MCC: variants seen among roughly 807,000 people sequenced by gnomAD.
MCC encodes the protein colorectal mutant cancer protein.
In MCC, 90 loss-of-function variants were observed where a neutral mutation model predicts 116.2. The observed-to-expected ratio is 0.77, with a 90% CI of 0.65 to 0.92. The LOEUF (loss-of-function observed/expected upper bound fraction) is 0.92, where lower values mean the gene tolerates loss of function less well. MCC is among the 40% of genes least tolerant of loss of function. MCC has a pLI of 0.00. For missense variants in MCC, 1,516 were observed against 1,312.2 expected (o/e 1.16, Z -2.40); for synonymous variants, 578 against 510.5 (o/e 1.13, Z -1.78).
chr5:113,396,697 G>A (rs1769534327), intron 1 of MCC, among the ~76,000 whole-genome samples: 1 of 152,114 alleles, frequency 6.6e-6, no homozygotes, highest in South Asian at 2.1e-4. Context: ...ATAGAAGTAG[G>A]AAAACAAAAG....
chr5:113,233,953 T>TA (rs1247737366), intron 3 of MCC, among the ~76,000 whole-genome samples: 1 of 152,142 alleles, frequency 6.6e-6, no homozygotes, highest in Non-Finnish European at 1.5e-5. Context: ...AACAGGGAGA[T>TA]ACAGTGTATA....
At chr5:113,385,278 AT>A in intron 1 of MCC, 66 bp from the exon 2 acceptor site, 1 of 1,484,138 alleles carries the variant, frequency 6.7e-7, no homozygotes, top group Admixed American at 2.1e-5. Flanking sequence ...AAACTGGTTA[AT>A]GAAAAAAAAA....
intron 3 of MCC, among the ~76,000 whole-genome samples, chr5:113,183,817 C>T (rs185174671): frequency 6.6e-6 from 1 of 152,262 alleles, no homozygotes; most frequent in Admixed American, 6.5e-5. Flanking sequence ...TGAAGCAAGA[C>T]TTGTGGGGAG....
intron 1 of MCC, among the ~76,000 whole-genome samples, chr5:113,401,545 C>G (rs1034471976): frequency 6.6e-6 from 1 of 152,154 alleles, no homozygotes; most frequent in Admixed American, 6.5e-5. Context: ...CATTTAGCAG[C>G]CTTCTCAGTA....
At chr5:113,103,326 T>C (rs995572613) in intron 7 of MCC, among the ~76,000 whole-genome samples, 2 of 152,196 alleles carry the variant, frequency 1.3e-5, no homozygotes, top group Non-Finnish European at 2.9e-5. Flanking sequence ...GCTTTGTCCC[T>C]AGCTGGTTGG....
At chr5:113,212,455 T>C (rs1318387941) in intron 3 of MCC, among the ~76,000 whole-genome samples, 2 of 152,036 alleles carry the variant, frequency 1.3e-5, no homozygotes, top group African/African-American at 4.8e-5. Context: ...AACTACCACA[T>C]GCAGCCTCAT....
At chr5:113,336,248 A>T (rs1051857875) in intron 3 of MCC, among the ~76,000 whole-genome samples, 4 of 151,648 alleles carry the variant, frequency 2.6e-5, no homozygotes, top group Non-Finnish European at 5.9e-5. Context: ...AAATTTCCAT[A>T]TGAATTTTGG....
intron 1 of MCC, among the ~76,000 whole-genome samples, chr5:113,410,205 G>A (rs145264548): frequency 1.2e-4 from 18 of 152,264 alleles, no homozygotes; most frequent in Admixed American, 2.0e-4. Context: ...ATGGTTCTGC[G>A]TATGGATATG....
chr5:113,285,736 G>A (rs1446523408), intron 3 of MCC, among the ~76,000 whole-genome samples: 2 of 152,110 alleles, frequency 1.3e-5, no homozygotes, highest in Non-Finnish European at 2.9e-5. Flanking sequence ...TTCCTTTACA[G>A]CACATATCAC....
chr5:113,294,406 G>T (rs1766638891), intron 3 of MCC: 2 of 1,613,472 alleles, frequency 1.2e-6, no homozygotes, highest in African/African-American at 2.7e-5. Context: ...TCAGAGCTGG[G>T]CTCTCAGTCC....
intron 1 of MCC, among the ~76,000 whole-genome samples, chr5:113,420,510 A>C (rs1205925183): frequency 1.3e-5 from 2 of 152,206 alleles, no homozygotes; most frequent in East Asian, 3.8e-4. Flanking sequence ...AAATTTTAAT[A>C]TACAAACCTG....
intron 11 of MCC, among the ~76,000 whole-genome samples, chr5:113,077,387 AT>A (rs1303997216): frequency 6.6e-6 from 1 of 152,222 alleles, no homozygotes; most frequent in Admixed American, 6.5e-5. Flanking sequence ...TTATTCCAAA[AT>A]TGACCGTGTA....
Position 113,220,074 on chromosome 5 carries a change from T to TTTTTTTTTTTTG in MCC, c.628-68653_628-68652insCAAAAAAAAAAA, listed in dbSNP as rs1186412878. On this transcript the variant is annotated intron_variant, in intron 3 of 18. Coordinates refer to ENST00000408903, the MANE Select transcript of MCC (RefSeq NM_001085377.2). ...GTCAATTTCTTTTTCTTTTTTTTTTTTGAGACGGAGTCTTGCTCTGTCACC... is the reference window on the plus strand; with the variant it reads ...GTCAATTTCTTTTTCTTTTTTTTTTTTTTTTTTTTTTGTGAGACGGAGTCTTGCTCTGTCACC... Among the ~76,000 whole-genome samples, 4 of 71,912 alleles carry TTTTTTTTTTTTG rather than the reference T, an allele frequency of 5.6e-5. 1 individual carries two copies. Among genetic ancestry groups the TTTTTTTTTTTTG allele is most frequent in the Non-Finnish European group, 1.2e-4 (2 of 17,144 alleles). The allele number at this position is 71,912 out of a possible 152,430, so 47.2% of individuals were successfully genotyped here.
intron 3 of MCC, among the ~76,000 whole-genome samples, chr5:113,158,978 C>T (rs566340677): frequency 1.9e-4 from 29 of 152,014 alleles, no homozygotes; most frequent in Non-Finnish European, 2.1e-4. Context: ...GGTGTGTGCA[C>T]AGGCAGGGCT....
At position 113,277,603 on chromosome 5, in the gene MCC, C is replaced by T. The variant is rs79416104; in HGVS notation, c.627+62916G>A. Reference sequence around the variant, plus strand: ...TTTAAAAACCATGACTTAAAAAGCACGGTCTGCTTTAGTTATAATGGCAGA... The same window carrying T: ...TTTAAAAACCATGACTTAAAAAGCATGGTCTGCTTTAGTTATAATGGCAGA... On this transcript the variant is annotated intron_variant, in intron 3 of 18. Transcript: ENST00000408903. Among the ~76,000 whole-genome samples the T allele has an allele frequency of 1.4e-3, 211 of 152,222 alleles. 2 individuals carry two copies. In the East Asian group the frequency reaches 0.023, roughly 17 times the overall value.
At chr5:113,067,929 AC>A in intron 13 of MCC, 150 bp downstream of exon 13, 1 of 645,008 alleles carries the variant, frequency 1.6e-6, no homozygotes, top group Non-Finnish European at 2.8e-6. Flanking sequence ...TAAACAATTT[AC>A]CCATTCAGTC....
At chr5:113,172,470 C>T (rs1257307107) in intron 3 of MCC, among the ~76,000 whole-genome samples, 1 of 104,732 alleles carries the variant, frequency 9.5e-6, no homozygotes, top group African/African-American at 2.7e-5. Flanking sequence ...CTCTACTCTG[C>T]CATGCACATC....
At chr5:113,223,074 G>A (rs747777461) in intron 3 of MCC, among the ~76,000 whole-genome samples, 27 of 152,272 alleles carry the variant, frequency 1.8e-4, no homozygotes, top group East Asian at 3.9e-4. Context: ...GGACTTCATT[G>A]ACAGGGACGG....
At chr5:113,093,325 C>G (rs1047440841) in intron 8 of MCC, among the ~76,000 whole-genome samples, 12 of 152,168 alleles carry the variant, frequency 7.9e-5, no homozygotes, top group Non-Finnish European at 1.3e-4. Context: ...GTCCCAGCTA[C>G]TCAGGCAGCT....
Sources: allele counts gnomAD v4.1 joint callset (sites outside exome capture counted in the v4.1 genomes callset), GRCh38; gene constraint gnomAD v4.1.1; transcripts MANE v1.5; gene names NCBI Gene and HGNC (gene_info 2026-07-23, HGNC 2026-07-21).